TRIM65: variants seen among roughly 807,000 people sequenced by gnomAD.
TRIM65 encodes the protein tripartite motif containing 65.
In TRIM65, 46 loss-of-function variants were observed where a neutral mutation model predicts 36.1. That is an observed-to-expected ratio of 1.27 (90% CI 1.01 to 1.63). The LOEUF is 1.63. TRIM65 is among the 40% of genes most tolerant of loss of function. TRIM65 has a pLI of 0.00. For synonymous variants in TRIM65, 346 were observed against 313.6 expected, an observed-to-expected ratio of 1.10 and a Z score of -1.09; for missense variants, 708 against 696.6, an observed-to-expected ratio of 1.02 and a Z score of -0.18.
At chr17:75,883,290 T>C (rs1218427682) in intron 4 of TRIM65, among the ~76,000 whole-genome samples, 1 of 150,798 alleles carries the variant, frequency 6.6e-6, no homozygotes, top group Non-Finnish European at 1.5e-5. Flanking sequence ...CTAATTTTTG[T>C]ATTTTTAGTA....
At chr17:75,893,894 G>A (rs1302575846) in intron 1 of TRIM65, among the ~76,000 whole-genome samples, 5 of 151,950 alleles carry the variant, frequency 3.3e-5, no homozygotes, top group Admixed American at 1.3e-4. Flanking sequence ...CTCATCTACC[G>A]GCCTCCAACT....
At chr17:75,895,257 T>C (rs2065329570) in intron 1 of TRIM65, among the ~76,000 whole-genome samples, 1 of 152,098 alleles carries the variant, frequency 6.6e-6, no homozygotes, top group Admixed American at 6.5e-5. Flanking sequence ...CATCTTGGTC[T>C]CCCTTCCCTG....
chr17:75,886,357 C>T (rs896262140), downstream of TRIM65, among the ~76,000 whole-genome samples: 2 of 151,906 alleles, frequency 1.3e-5, no homozygotes, highest in African/African-American at 4.8e-5. Flanking sequence ...CCCGTCTCTA[C>T]TAAAAATACA....
At chr17:75,886,164 C>T (rs1427464435), downstream of TRIM65, among the ~76,000 whole-genome samples, 2 of 152,196 alleles carry the variant, frequency 1.3e-5, no homozygotes, top group Admixed American at 1.3e-4. Flanking sequence ...CATGCCTTTG[C>T]TCCTCCTTCG....
chr17:75,892,566 C>T, intron 2 of TRIM65, 66 bp from the exon 3 acceptor site: 1 of 1,454,666 alleles, frequency 6.9e-7, no homozygotes, highest in Admixed American at 1.9e-5. Context: ...GAGGCTAGGG[C>T]CAGGGCTGCC....
downstream of TRIM65, among the ~76,000 whole-genome samples, chr17:75,885,559 C>G (rs1194940991): frequency 6.6e-6 from 1 of 152,224 alleles, no homozygotes; most frequent in East Asian, 1.9e-4. Context: ...TGTTTGTGCT[C>G]ATGTTTCTGG....
chr17:75,896,865 G>A lies in TRIM65; in HGVS notation c.73C>T (p.Leu25=). Residue 25 remains leucine, a synonymous_variant, in exon 1 of 6, where the codon CTG becomes TTG. Coordinates refer to ENST00000269383, the MANE Select transcript of TRIM65 (RefSeq NM_173547.4). ...CCGCAGAAGTTGTGGCCGCAGGGCAGCGTCACTGGGTCCTGGTAGAGCCCC... is the reference window on the plus strand; with the variant it reads ...CCGCAGAAGTTGTGGCCGCAGGGCAACGTCACTGGGTCCTGGTAGAGCCCC... ...CLGLYQDPVT[L]PCGHNFCGAC... The A allele has an allele frequency of 6.5e-7, 1 of 1,531,400 alleles. No homozygotes were observed. The highest frequency in any genetic ancestry group is 8.8e-7 in the Non-Finnish European group (1 of 1,142,616). 94.9% of individuals were successfully genotyped at this position (1,531,400 alleles called of 1,614,324 possible).
downstream of TRIM65, among the ~76,000 whole-genome samples, chr17:75,888,589 G>A (rs1207863099): frequency 2.6e-5 from 4 of 152,190 alleles, no homozygotes; most frequent in African/African-American, 7.2e-5. Context: ...GGGACTATGA[G>A]GTGGGGACAG....
chr17:75,896,384 G>A, intron 1 of TRIM65, 140 bp downstream of exon 1: 1 of 1,188,826 alleles, frequency 8.4e-7, no homozygotes, highest in Non-Finnish European at 1.1e-6. Flanking sequence ...CAGCTCCCAG[G>A]TTGGGAGAAG....
Position 75,889,890 on chromosome 17 carries a change from C to G in TRIM65, c.*889G>C, listed in dbSNP as rs1012396312. 2.6e-5 allele frequency: 4 copies of G among 152,158 alleles called. No individual in the cohort carries two copies. The highest frequency in any genetic ancestry group is 5.9e-5 in the Non-Finnish European group (4 of 68,042). 9.4% of individuals were successfully genotyped at this position (152,158 alleles called of 1,614,324 possible). A position where few individuals can be genotyped will look rare whatever the true frequency, so the allele number is the denominator to read the frequency against. Reference sequence around the variant, plus strand: ...ATCCCATGAGCCCATGACCGCACCCCTGCACACCAGCCTGGGTGACAGATG... The same window carrying G: ...ATCCCATGAGCCCATGACCGCACCCGTGCACACCAGCCTGGGTGACAGATG... On this transcript the variant is annotated 3_prime_UTR_variant, in exon 6 of 6. Coordinates refer to ENST00000269383, the MANE Select transcript of TRIM65 (RefSeq NM_173547.4).
chr17:75,890,689 C>T lies in TRIM65; in HGVS notation c.*90G>A. 1 of 1,160,208 alleles carries T rather than the reference C, an allele frequency of 8.6e-7. No individual in the cohort carries two copies. The highest frequency in any genetic ancestry group is 1.2e-6 in the Non-Finnish European group (1 of 855,924). 71.9% of individuals were successfully genotyped at this position (1,160,208 alleles called of 1,614,324 possible). On this transcript the variant is annotated 3_prime_UTR_variant, in exon 6 of 6. Transcript: ENST00000269383. ...TCTGAGTTAACAGAGAGGCCAACAG[C>T]TGGTCCTCCAGTCCCCAAGCTGAAG...
downstream of TRIM65, chr17:75,888,945 T>C (rs1222076754): frequency 6.6e-6 from 1 of 151,888 alleles, no homozygotes; most frequent in Admixed American, 6.6e-5. Context: ...ATTGGGGGTA[T>C]GTATATTACA....
chr17:75,888,535 C>T (rs76585334), downstream of TRIM65, among the ~76,000 whole-genome samples: 6,240 of 152,270 alleles, frequency 0.041, 149 homozygotes, highest in Middle Eastern at 0.099. Context: ...TTTCAGAGCG[C>T]GGCTCAGCCC....
At chr17:75,896,105 G>C (rs1182118966) in intron 1 of TRIM65, among the ~76,000 whole-genome samples, 1 of 152,184 alleles carries the variant, frequency 6.6e-6, no homozygotes, top group Non-Finnish European at 1.5e-5. Flanking sequence ...GCCCAGACTG[G>C]AGTGCAGTGG....
chr17:75,884,217 G>A (rs2065189422), downstream of TRIM65, among the ~76,000 whole-genome samples: 1 of 152,106 alleles, frequency 6.6e-6, no homozygotes, highest in Non-Finnish European at 1.5e-5. Flanking sequence ...CAGCACTTTG[G>A]GAGGCCGAGG....
At chr17:75,885,852 A>T (rs1349018858), downstream of TRIM65, among the ~76,000 whole-genome samples, 4 of 152,046 alleles carry the variant, frequency 2.6e-5, no homozygotes, top group African/African-American at 9.7e-5. Context: ...ATGCTACTCA[A>T]AGCCTCAGTT....
At position 75,883,273 on chromosome 17, in the gene TRIM65, C is replaced by T. The variant is rs1215878858; in HGVS notation, c.350-2644G>A. ...CTGGGACTATAGGCGTGCACTACCACGACCAGCTAATTTTTGTATTTTTAG... is the reference window on the plus strand; with the variant it reads ...CTGGGACTATAGGCGTGCACTACCATGACCAGCTAATTTTTGTATTTTTAG... On this transcript the variant is annotated intron_variant, in intron 4 of 4. Coordinates refer to the TRIM65 transcript ENST00000591668. 4.0e-5 allele frequency among the ~76,000 whole-genome samples: 6 copies of T among 150,070 alleles called. No homozygotes were observed. In the East Asian group the frequency reaches 1.2e-3, roughly 29 times the overall value.
intron 2 of TRIM65, 96 bp downstream of exon 2, chr17:75,892,659 C>A: frequency 7.6e-7 from 1 of 1,322,376 alleles, no homozygotes; most frequent in Non-Finnish European, 1.0e-6. Context: ...CCTGCTCAGC[C>A]CCGCTCCCTG....
chr17:75,896,331 A>AGTC (rs1301130797), intron 1 of TRIM65, among the ~76,000 whole-genome samples, 193 bp downstream of exon 1: 1 of 152,146 alleles, frequency 6.6e-6, no homozygotes, highest in Non-Finnish European at 1.5e-5. Flanking sequence ...CTGGGATTAC[A>AGTC]GTCGTGAGCC....
Sources: allele counts gnomAD v4.1 joint callset (sites outside exome capture counted in the v4.1 genomes callset), GRCh38; gene constraint gnomAD v4.1.1; transcripts MANE v1.5; gene names NCBI Gene and HGNC (gene_info 2026-07-23, HGNC 2026-07-21).